The following GALC variants were observed in gnomAD, a reference collection of about 807,000 sequenced individuals.
GALC encodes galactocerebrosidase.
GALC carries 77 observed loss-of-function variants against 91.8 expected under a neutral mutation model. That is an observed-to-expected ratio of 0.84 (90% CI 0.70 to 1.01). The LOEUF is 1.01. Ranked by LOEUF, GALC falls within the 50% of genes least tolerant of loss-of-function variation. The pLI, the probability that GALC is intolerant of heterozygous loss-of-function variation, is 0.00. For synonymous variants in GALC, 357 were observed against 306.7 expected (o/e 1.16, Z -1.71); for missense variants, 882 against 855.9 (o/e 1.03, Z -0.38).
intron 6 of GALC, among the ~76,000 whole-genome samples, chr14:87,978,309 C>G (rs113159989): frequency 0.11 from 17,192 of 152,176 alleles, 1,134 homozygotes; most frequent in Non-Finnish European, 0.16. Flanking sequence ...TTTGGCTTCC[C>G]AAAGTGCTGG....
At chr14:87,988,595 C>T in intron 1 of GALC, 72 bp from the exon 2 acceptor site, 1 of 1,045,592 alleles carries the variant, frequency 9.6e-7, no homozygotes, top group East Asian at 2.4e-5. Context: ...AGTGTTCACG[C>T]ACACCACCTG....
chr14:87,951,531 G>T (rs1292222227), intron 10 of GALC, among the ~76,000 whole-genome samples: 1 of 151,812 alleles, frequency 6.6e-6, no homozygotes, highest in East Asian at 1.9e-4. Context: ...GCAACAGCAG[G>T]ATGCACATTC....
intron 1 of GALC, chr14:87,992,195 C>T: frequency 2.7e-6 from 3 of 1,125,680 alleles, no homozygotes; most frequent in Non-Finnish European, 3.9e-6. Context: ...AGGATGCAAG[C>T]TCCATCCAAC....
intron 1 of GALC, chr14:87,992,599 G>C (rs969048448): frequency 8.2e-6 from 12 of 1,455,066 alleles, no homozygotes; most frequent in Admixed American, 2.6e-5. Flanking sequence ...GGCCCTTTCT[G>C]GAGCGACGCT....
intron 5 of GALC, 83 bp downstream of exon 5, chr14:87,984,311 C>T (rs1886876435): frequency 7.1e-7 from 1 of 1,412,566 alleles, no homozygotes; most frequent in Non-Finnish European, 9.7e-7. Flanking sequence ...AATGGTTAGT[C>T]AAAAAGTACC....
At chr14:87,936,914 T>TAGATATATATATATATA (rs60680373) in intron 16 of GALC, among the ~76,000 whole-genome samples, 2 of 105,662 alleles carry the variant, frequency 1.9e-5, no homozygotes, top group African/African-American at 7.8e-5. Context: ...ATATATATAT[T>TAGATATATATATATATA]TATTTATTTT....
intron 9 of GALC, among the ~76,000 whole-genome samples, chr14:87,964,609 T>C (rs1885951997): frequency 6.6e-6 from 1 of 152,152 alleles, no homozygotes; most frequent in East Asian, 1.9e-4. Flanking sequence ...TCAATTTCCC[T>C]TGTGACTAAT....
intron 14 of GALC, among the ~76,000 whole-genome samples, chr14:87,941,941 T>G (rs1220819168): frequency 6.7e-6 from 1 of 150,288 alleles, no homozygotes; most frequent in Non-Finnish European, 1.5e-5. Flanking sequence ...AAAATGTTTA[T>G]TCAAACTTCC....
chr14:87,989,291 T>C (rs1459723646), intron 1 of GALC, among the ~76,000 whole-genome samples: 1 of 152,190 alleles, frequency 6.6e-6, no homozygotes, highest in Non-Finnish European at 1.5e-5. Flanking sequence ...GTATGTATGA[T>C]GGTTGGGACA....
chr14:87,986,547 T>C lies in GALC; in HGVS notation c.384A>G (p.Gly128=), dbSNP rs770120463. 1.9e-6 allele frequency: 3 copies of C among 1,613,882 alleles called. No homozygotes were observed. The highest frequency in any genetic ancestry group is 2.2e-5 in the South Asian group (2 of 91,078). The change falls in exon 4 of 17, where the codon GGA becomes GGG. Residue 128 remains glycine (G), a synonymous_variant. Coordinates refer to ENST00000261304, the MANE Select transcript of GALC (RefSeq NM_000153.4). ...CTTCTTTCATCAACCACCACTCGTA[T>C]CCTCGGAAATAATTCTCATCTAGTG... The part of the protein sequence containing the change: ...HYALDENYFR[G]YEWWLMKEAK...
intron 7 of GALC, among the ~76,000 whole-genome samples, chr14:87,974,351 G>C (rs557784284): frequency 6.6e-6 from 1 of 152,122 alleles, no homozygotes; most frequent in South Asian, 2.1e-4. Flanking sequence ...ACGAGACAAA[G>C]AATGGCATTT....
intron 16 of GALC, 68 bp downstream of exon 16, chr14:87,939,837 A>G: frequency 1.8e-6 from 2 of 1,109,354 alleles, no homozygotes; most frequent in Non-Finnish European, 2.8e-6. Context: ...CCTATTTTAT[A>G]ACAGAAAATT....
chr14:87,946,090 T>C (rs1391288657), intron 13 of GALC, among the ~76,000 whole-genome samples: 2 of 152,028 alleles, frequency 1.3e-5, no homozygotes, highest in African/African-American at 4.8e-5. Context: ...ATTTCCAGGT[T>C]TGCAGGAGGA....
intron 3 of GALC, 53 bp from the exon 4 acceptor site, chr14:87,986,655 A>G (rs778509985): frequency 4.6e-5 from 51 of 1,111,258 alleles, no homozygotes; most frequent in Non-Finnish European, 6.7e-5. Context: ...GGTACTTCCT[A>G]GGACCATCTC....
chr14:87,945,443 T>C (rs1885031541), intron 14 of GALC, 110 bp downstream of exon 14: 4 of 834,130 alleles, frequency 4.8e-6, no homozygotes, highest in Admixed American at 1.7e-5. Flanking sequence ...ATTACACATC[T>C]ATTAGGTTCT....
At chr14:87,954,738 G>A (rs1885451085) in intron 10 of GALC, 2 of 1,563,402 alleles carry the variant, frequency 1.3e-6, no homozygotes, top group Non-Finnish European at 1.8e-6. Flanking sequence ...AATGCTCACA[G>A]TTCTCTGAAG....
At chr14:87,940,447 A>C (rs404356) in intron 15 of GALC, among the ~76,000 whole-genome samples, 145,378 of 151,886 alleles carry the variant, frequency 0.96, 69,870 homozygotes, top group Non-Finnish European at 1. Flanking sequence ...CCTATGAGAA[A>C]CCCAGGACAA....
At chr14:87,956,994 T>C (rs1339562459) in intron 10 of GALC, among the ~76,000 whole-genome samples, 1 of 152,172 alleles carries the variant, frequency 6.6e-6, no homozygotes, top group Non-Finnish European at 1.5e-5. Flanking sequence ...GTGGTTCTAA[T>C]TTGCATTTCT....
At chr14:87,942,472 T>C (rs1347274557) in intron 14 of GALC, among the ~76,000 whole-genome samples, 2 of 151,970 alleles carry the variant, frequency 1.3e-5, no homozygotes, top group African/African-American at 4.8e-5. Flanking sequence ...ACACTTTCCT[T>C]CTGGAATGCT....
Sources: gnomAD v4.1 joint callset for allele counts (sites outside exome capture counted in the v4.1 genomes callset) on GRCh38, gnomAD v4.1.1 for gene constraint, MANE v1.5 for transcripts, NCBI Gene and HGNC (gene_info 2026-07-23, HGNC 2026-07-21) for gene names.